SRGAP2: variants seen among roughly 807,000 people sequenced by gnomAD.
SRGAP2 encodes SLIT-ROBO Rho GTPase activating protein 2, also known as SLIT-ROBO Rho GTPase-activating protein 2.
SRGAP2 carries 15 observed loss-of-function variants against 57.2 expected under a neutral mutation model. The ratio of observed to expected loss-of-function variants is 0.26; its 90% CI spans 0.18 to 0.40. The LOEUF is 0.40. Among genes scored for constraint, SRGAP2 ranks in the 10% least tolerant of loss-of-function variants. The pLI is 1.00. For synonymous variants in SRGAP2, 249 were observed against 248.0 expected (o/e 1.00, Z -0.04); for missense variants, 520 against 669.6 (o/e 0.78, Z 2.47).
At chr1:206,283,636 A>C (rs1371526624) in intron 2 of SRGAP2, among the ~76,000 whole-genome samples, 1 of 151,826 alleles carries the variant, frequency 6.6e-6, no homozygotes, top group East Asian at 1.9e-4. Context: ...AGATCATGCC[A>C]CTGTACTCCA....
intron 2 of SRGAP2, among the ~76,000 whole-genome samples, chr1:206,216,585 T>A (rs1217119735): frequency 1.3e-5 from 2 of 151,504 alleles, no homozygotes; most frequent in East Asian, 2.0e-4. Context: ...GAAGGAGAGG[T>A]CCTAAGGAAC....
intron 3 of SRGAP2, among the ~76,000 whole-genome samples, chr1:206,331,866 G>T (rs1571877818): frequency 1.5e-5 from 1 of 68,758 alleles, no homozygotes; most frequent in Non-Finnish European, 2.6e-5. Context: ...GTTAGCTGGT[G>T]ATTTTGCTCG....
chr1:206,456,495 G>A (rs1266392402), intron 21 of SRGAP2, among the ~76,000 whole-genome samples: 2 of 152,304 alleles, frequency 1.3e-5, no homozygotes, highest in East Asian at 1.9e-4. Flanking sequence ...AAACCAAGGC[G>A]GGGTTGGTGG....
At chr1:206,457,907 G>C (rs1663969469) in intron 21 of SRGAP2, among the ~76,000 whole-genome samples, 1 of 152,192 alleles carries the variant, frequency 6.6e-6, no homozygotes, top group Admixed American at 6.5e-5. Context: ...AAATTATCCA[G>C]CAGCAGGCAA....
At chr1:206,273,046 C>T (rs1670218246) in intron 2 of SRGAP2, among the ~76,000 whole-genome samples, 1 of 151,914 alleles carries the variant, frequency 6.6e-6, no homozygotes, top group Admixed American at 6.6e-5. Flanking sequence ...AAACGATATG[C>T]CTTTCTTTTA....
rs1166916482 is a variant in SRGAP2, at chr1:206,359,798, C to CTTTTTTTTTTTTTTTTTTTT, written c.423+16797_423+16816dup. Among the ~76,000 whole-genome samples, 3 of 70,212 alleles carry CTTTTTTTTTTTTTTTTTTTT rather than the reference C, an allele frequency of 4.3e-5. 1 individual carries two copies. Among genetic ancestry groups the CTTTTTTTTTTTTTTTTTTTT allele is most frequent in the African/African-American group, 1.8e-4 (3 of 16,884 alleles). 46.1% of individuals were successfully genotyped at this position (70,212 alleles called of 152,430 possible). A position where few individuals can be genotyped will look rare whatever the true frequency, so the allele number is the denominator to read the frequency against. ...AGGATGGGGTACAAGGGATATTGCT[C>CTTTTTTTTTTTTTTTTTTTT]TTTTTTTTTTTTTTTTTTTTTTTTT... On this transcript the variant is annotated intron_variant, in intron 4 of 22. Coordinates refer to ENST00000573034, the MANE Select transcript of SRGAP2 (RefSeq NM_015326.5).
At chr1:206,433,302 G>A (rs1252460851) in intron 14 of SRGAP2, among the ~76,000 whole-genome samples, 1 of 152,150 alleles carries the variant, frequency 6.6e-6, no homozygotes, top group East Asian at 1.9e-4. Context: ...CCTTAGTGTA[G>A]TTTTGACTTT....
intron 4 of SRGAP2, among the ~76,000 whole-genome samples, chr1:206,369,318 G>A (rs1326807590): frequency 2.0e-5 from 3 of 152,016 alleles, no homozygotes; most frequent in Non-Finnish European, 4.4e-5. Flanking sequence ...AAATATAGGT[G>A]TAAGTCTTCG....
At chr1:206,409,960 G>A (rs1659060128) in intron 10 of SRGAP2, among the ~76,000 whole-genome samples, 1 of 152,062 alleles carries the variant, frequency 6.6e-6, no homozygotes, top group African/African-American at 2.4e-5. Context: ...AATTAGCTGG[G>A]CGTGGTGGCG....
rs1171206107 is a variant in SRGAP2 at position 206,253,539 on chromosome 1, A to ACT, written c.67+47513_67+47514dup. Reference sequence around the variant, plus strand: ...CTTTCCTCCCTCCCTCACTTCCTTCACTCTCTCTCTCTTTCTTTCTCTTTT... The same window carrying ACT: ...CTTTCCTCCCTCCCTCACTTCCTTCACTCTCTCTCTCTCTTTCTTTCTCTTTT... On this transcript the variant is annotated intron_variant, in intron 2 of 22. Transcript: ENST00000573034. Among the ~76,000 whole-genome samples, 351 of 111,758 alleles carry ACT rather than the reference A, an allele frequency of 3.1e-3. 1 individual carries two copies. The highest frequency in any genetic ancestry group is 5.7e-3 in the Non-Finnish European group (300 of 52,296). The allele number at this position is 111,758 out of a possible 152,430, so 73.3% of individuals were successfully genotyped here. A position where few individuals can be genotyped will look rare whatever the true frequency, so the allele number is the denominator to read the frequency against.
At chr1:206,453,831 G>T (rs12130290) in intron 20 of SRGAP2, 1 of 320,004 alleles carries the variant, frequency 3.1e-6, no homozygotes, top group Non-Finnish European at 5.6e-6. Flanking sequence ...AAAATGACTG[G>T]TTTTCTAGGA....
intron 2 of SRGAP2, among the ~76,000 whole-genome samples, chr1:206,293,078 A>C (rs1309703066): frequency 6.6e-6 from 1 of 152,200 alleles, no homozygotes; most frequent in Non-Finnish European, 1.5e-5. Context: ...TCTGGATTTT[A>C]ATATTGATCT....
chr1:206,359,661 A>G lies in SRGAP2; in HGVS notation c.423+16653A>G, dbSNP rs1166182568. ...TGCTAGGCACTGGAATATAGCAGATAACAAAAAGTTCTTGCCTTCATGGAG... is the reference window on the plus strand; with the variant it reads ...TGCTAGGCACTGGAATATAGCAGATGACAAAAAGTTCTTGCCTTCATGGAG... On this transcript the variant is annotated intron_variant, in intron 4 of 22. Coordinates refer to ENST00000573034, the MANE Select transcript of SRGAP2 (RefSeq NM_015326.5). 2.6e-5 allele frequency among the ~76,000 whole-genome samples: 3 copies of G among 113,814 alleles called. No homozygotes were observed. In the East Asian group the frequency reaches 7.1e-4, roughly 27 times the overall value. The allele number at this position is 113,814 out of a possible 152,430, so 74.7% of individuals were successfully genotyped here.
At position 206,372,961 on chromosome 1, in the gene SRGAP2, TTTC is replaced by T. The variant is rs1654754212; in HGVS notation, c.424-11052_424-11050del. Among the ~76,000 whole-genome samples the T allele has an allele frequency of 3.6e-4, 4 of 11,046 alleles. 1 individual carries two copies. The highest frequency in any genetic ancestry group is 2.0e-3 in the African/African-American group (4 of 1,962). 7.2% of individuals were successfully genotyped at this position (11,046 alleles called of 152,430 possible). On this transcript the variant is annotated intron_variant, in intron 4 of 22. Coordinates refer to ENST00000573034, the MANE Select transcript of SRGAP2 (RefSeq NM_015326.5). Reference sequence around the variant, plus strand: ...TTTCTTTCTTTCTTTCTTTCTTTTCTTTCCTTTCTTTCTTTCTTTCTTTCTTTC... The same window carrying T: ...TTTCTTTCTTTCTTTCTTTCTTTTCTCTTTCTTTCTTTCTTTCTTTCTTTC...
chr1:206,422,871 T>C (rs1660438224), intron 13 of SRGAP2, among the ~76,000 whole-genome samples: 1 of 152,214 alleles, frequency 6.6e-6, no homozygotes, highest in African/African-American at 2.4e-5. Flanking sequence ...ATAAAGACCT[T>C]GTTTTCATTC....
intron 3 of SRGAP2, among the ~76,000 whole-genome samples, chr1:206,304,516 A>G (rs1382056075): frequency 6.6e-6 from 1 of 151,792 alleles, no homozygotes; most frequent in Non-Finnish European, 1.5e-5. Flanking sequence ...AAAATTGCAA[A>G]AAAACCTCAT....
intron 4 of SRGAP2, among the ~76,000 whole-genome samples, chr1:206,361,311 G>A (rs1553340543): frequency 4.7e-5 from 7 of 149,160 alleles, no homozygotes. Context: ...GAATATAACA[G>A]GGTAAGCCTG....
chr1:206,442,625 T>C (rs1372887492), intron 17 of SRGAP2, among the ~76,000 whole-genome samples: 2 of 152,246 alleles, frequency 1.3e-5, no homozygotes, highest in Non-Finnish European at 2.9e-5. Context: ...ATTCAAATTA[T>C]TCATTTTGTT....
chr1:206,334,319 G>T (rs1179805868), intron 3 of SRGAP2, among the ~76,000 whole-genome samples: 75 of 146,000 alleles, frequency 5.1e-4, no homozygotes, highest in African/African-American at 2.0e-3. Context: ...CACAAAAAGA[G>T]ACTTCCTTCT....
Sources: gnomAD v4.1 joint callset for allele counts (sites outside exome capture counted in the v4.1 genomes callset) on GRCh38, gnomAD v4.1.1 for gene constraint, MANE v1.5 for transcripts, NCBI Gene and HGNC (gene_info 2026-07-23, HGNC 2026-07-21) for gene names.